AP2B1: variants seen among roughly 807,000 people sequenced by gnomAD.
The protein encoded by AP2B1 is AP-2 complex subunit beta.
A neutral mutation model predicts 102.0 loss-of-function variants in AP2B1; 23 were observed. That is an observed-to-expected ratio of 0.23 (90% CI 0.16 to 0.32). The LOEUF is 0.32. Ranked by LOEUF, AP2B1 falls within the 10% of genes least tolerant of loss-of-function variation. AP2B1 has a pLI of 1.00. For synonymous variants in AP2B1, 381 were observed against 421.2 expected (o/e 0.90, Z 1.17); for missense variants, 541 against 1,157.4 (o/e 0.47, Z 7.73).
chr17:35,720,986 G>A (rs2085374228), intron 21 of AP2B1, among the ~76,000 whole-genome samples: 1 of 152,024 alleles, frequency 6.6e-6, no homozygotes, highest in Admixed American at 6.6e-5. Context: ...AAGTCATTCT[G>A]ATCCATTCCC....
Position 35,723,969 on chromosome 17 carries a change from G to A in AP2B1, c.*270G>A. On this transcript the variant is annotated 3_prime_UTR_variant, in exon 22 of 22. Transcript: ENST00000610402. ...TTACTTGTGGGCTTCTCCATGCTGT[G>A]CCAATGGCTGGCTTTTTCTACACCC... The A allele has an allele frequency of 2.7e-6, 1 of 367,710 alleles. No individual in the cohort carries two copies. Among genetic ancestry groups the A allele is most frequent in the East Asian group, 3.9e-5 (1 of 25,634 alleles). The allele number at this position is 367,710 out of a possible 1,614,324, so 22.8% of individuals were successfully genotyped here.
intron 21 of AP2B1, among the ~76,000 whole-genome samples, chr17:35,719,619 C>T (rs2085296568): frequency 6.6e-6 from 1 of 151,932 alleles, no homozygotes; most frequent in South Asian, 2.1e-4. Flanking sequence ...CACAGTTTCT[C>T]CATTCATCCT....
intron 5 of AP2B1, among the ~76,000 whole-genome samples, chr17:35,618,439 A>G (rs1173249592): frequency 1.3e-5 from 2 of 152,256 alleles, no homozygotes; most frequent in African/African-American, 2.4e-5. Flanking sequence ...TAAATTGAGC[A>G]GAAAAACTGA....
intron 12 of AP2B1, among the ~76,000 whole-genome samples, chr17:35,647,802 T>C (rs2074976444): frequency 6.6e-6 from 1 of 152,194 alleles, no homozygotes; most frequent in Non-Finnish European, 1.5e-5. Flanking sequence ...ATCTGCTCGC[T>C]TAGAAACTAA....
At chr17:35,688,704 G>T (rs978054771) in intron 18 of AP2B1, among the ~76,000 whole-genome samples, 1 of 152,046 alleles carries the variant, frequency 6.6e-6, no homozygotes, top group Non-Finnish European at 1.5e-5. Flanking sequence ...TGGCTCACAC[G>T]TGTAACTCCA....
chr17:35,671,669 AACT>A (rs2075589942), intron 15 of AP2B1, 82 bp from the exon 16 acceptor site: 8 of 1,356,802 alleles, frequency 5.9e-6, no homozygotes, highest in Admixed American at 1.9e-5. Context: ...GATTTATCAA[AACT>A]ACTAAGATAT....
intron 14 of AP2B1, 139 bp downstream of exon 14, chr17:35,657,930 G>A (rs1266566556): frequency 2.8e-6 from 2 of 703,848 alleles, no homozygotes; most frequent in African/African-American, 3.6e-5. Flanking sequence ...AGGATTCTTT[G>A]TCTTTAGTAA....
intron 18 of AP2B1, among the ~76,000 whole-genome samples, chr17:35,708,005 G>A (rs1284167269): frequency 6.6e-6 from 1 of 152,170 alleles, no homozygotes; most frequent in African/African-American, 2.4e-5. Context: ...TTTAAAGTAA[G>A]GAAGGTAAGT....
intron 14 of AP2B1, 135 bp from the exon 15 acceptor site, chr17:35,670,722 A>T: frequency 1.2e-6 from 1 of 836,638 alleles, no homozygotes; most frequent in Non-Finnish European, 2.0e-6. Flanking sequence ...GAATTTTTTT[A>T]GGCTTTGGGA....
At chr17:35,672,758 G>C (rs905973777) in intron 16 of AP2B1, among the ~76,000 whole-genome samples, 1 of 152,158 alleles carries the variant, frequency 6.6e-6, no homozygotes, top group Non-Finnish European at 1.5e-5. Flanking sequence ...TTAATTATTA[G>C]TTATCTAATG....
At chr17:35,635,893 T>A (rs2074594823) in intron 9 of AP2B1, among the ~76,000 whole-genome samples, 1 of 152,074 alleles carries the variant, frequency 6.6e-6, no homozygotes. Context: ...TTCACCATGT[T>A]AGTCAGGCTG....
intron 20 of AP2B1, among the ~76,000 whole-genome samples, chr17:35,713,218 A>G (rs1404404904): frequency 3.3e-5 from 5 of 152,246 alleles, no homozygotes; most frequent in African/African-American, 1.2e-4. Flanking sequence ...CCTCACGCCA[A>G]TCGCTCCATG....
At chr17:35,709,177 C>A in intron 18 of AP2B1, 47 bp from the exon 19 acceptor site, 1 of 1,530,142 alleles carries the variant, frequency 6.5e-7, no homozygotes, top group Non-Finnish European at 9.1e-7. Context: ...TTCCTCCTAC[C>A]TGGCTCCCTG....
chr17:35,615,132 A>G (rs1049188503), intron 5 of AP2B1, among the ~76,000 whole-genome samples: 1 of 152,186 alleles, frequency 6.6e-6, no homozygotes, highest in Non-Finnish European at 1.5e-5. Context: ...ACCCTGGATT[A>G]TGGAAATAGC....
At chr17:35,647,565 A>G (rs1383803347) in intron 12 of AP2B1, among the ~76,000 whole-genome samples, 1 of 152,220 alleles carries the variant, frequency 6.6e-6, no homozygotes, top group Non-Finnish European at 1.5e-5. Context: ...TTATAAATGT[A>G]AAGATTATCT....
Position 35,615,280 on chromosome 17 carries a change from G to A in AP2B1, c.525+6893G>A, listed in dbSNP as rs530206431. Among the ~76,000 whole-genome samples the A allele has an allele frequency of 1.6e-3, 237 of 152,288 alleles. 1 individual carries two copies. The highest frequency in any genetic ancestry group is 2.9e-3 in the Admixed American group (44 of 15,302). On this transcript the variant is annotated intron_variant, in intron 5 of 21. Coordinates refer to ENST00000610402, the MANE Select transcript of AP2B1 (RefSeq NM_001030006.2). ...AACTGAGGTAATAATGCCGATTTTA[G>A]TGAATTATTTTGAAGATGAAAGAAT...
intron 21 of AP2B1, among the ~76,000 whole-genome samples, chr17:35,718,535 C>G (rs961915174): frequency 2.0e-5 from 3 of 152,092 alleles, no homozygotes; most frequent in Non-Finnish European, 4.4e-5. Context: ...GAAAACCCCT[C>G]TGTGCTGTTT....
rs587611933 is a variant in AP2B1 at position 35,704,876 on chromosome 17, C to A, written c.2455-4348C>A. Among the ~76,000 whole-genome samples the A allele has an allele frequency of 2.6e-5, 4 of 152,038 alleles. No individual in the cohort carries two copies. In the South Asian group the frequency reaches 8.3e-4, roughly 32 times the overall value. ...TGAAACCCCGTCTCTACTAAAAATA[C>A]AAAAATTAGGTGGACGTGGTGGCAC... On this transcript the variant is annotated intron_variant, in intron 18 of 21. Transcript: ENST00000610402.
intron 18 of AP2B1, among the ~76,000 whole-genome samples, chr17:35,699,767 A>G (rs905834212): frequency 6.6e-6 from 1 of 152,180 alleles, no homozygotes; most frequent in East Asian, 1.9e-4. Context: ...TTGAAATGCT[A>G]TTTAAACTTT....
Sources: gnomAD v4.1 joint callset for allele counts (sites outside exome capture counted in the v4.1 genomes callset) on GRCh38, gnomAD v4.1.1 for gene constraint, MANE v1.5 for transcripts, NCBI Gene and HGNC (gene_info 2026-07-23, HGNC 2026-07-21) for gene names.